HLF: variants seen among roughly 807,000 people sequenced by gnomAD.
The protein encoded by HLF is HLF transcription factor, PAR bZIP family member.
HLF carries 3 observed loss-of-function variants against 22.6 expected under a neutral mutation model. That is an observed-to-expected ratio of 0.13 (90% confidence interval 0.06 to 0.34). The LOEUF (loss-of-function observed/expected upper bound fraction) is 0.34. Ranked by LOEUF, HLF falls within the 10% of genes least tolerant of loss-of-function variation. HLF has a pLI of 1.00. For missense variants in HLF, 299 were observed against 389.2 expected, an observed-to-expected ratio of 0.77 and a Z score of 1.95; for synonymous variants, 151 against 151.8, an observed-to-expected ratio of 0.99 and a Z score of 0.04.
At chr17:55,276,354 T>C (rs2145306948) in intron 2 of HLF, among the ~76,000 whole-genome samples, 1 of 152,294 alleles carries the variant, frequency 6.6e-6, no homozygotes, top group South Asian at 2.1e-4. Flanking sequence ...CAGTGTCAAA[T>C]GACGGGTATA....
At chr17:55,282,171 A>G (rs2080960706) in intron 2 of HLF, among the ~76,000 whole-genome samples, 1 of 152,236 alleles carries the variant, frequency 6.6e-6, no homozygotes, top group African/African-American at 2.4e-5. Context: ...ATTGTCACCC[A>G]GTGAGTTTTA....
chr17:55,313,652 G>A (rs926567748), intron 2 of HLF, among the ~76,000 whole-genome samples: 61 of 152,038 alleles, frequency 4.0e-4, no homozygotes, highest in African/African-American at 1.4e-3. Context: ...TGAATCACAG[G>A]TGGTTCATTT....
intron 2 of HLF, among the ~76,000 whole-genome samples, 179 bp downstream of exon 2, chr17:55,268,265 C>T (rs1182160236): frequency 6.6e-6 from 1 of 152,176 alleles, no homozygotes; most frequent in East Asian, 1.9e-4. Flanking sequence ...CCATATCACT[C>T]ATCTGGAGAG....
At chr17:55,287,915 A>G (rs2081020014) in intron 2 of HLF, among the ~76,000 whole-genome samples, 1 of 152,234 alleles carries the variant, frequency 6.6e-6, no homozygotes. Context: ...GAAGTAACAA[A>G]GATACTAATT....
chr17:55,282,237 A>G (rs1344284994), intron 2 of HLF, among the ~76,000 whole-genome samples: 1 of 152,214 alleles, frequency 6.6e-6, no homozygotes, highest in African/African-American at 2.4e-5. Flanking sequence ...ACTTGTAGTT[A>G]ATATCTTTGG....
intron 2 of HLF, among the ~76,000 whole-genome samples, chr17:55,304,620 T>C (rs917957637): frequency 6.6e-6 from 1 of 152,210 alleles, no homozygotes; most frequent in Non-Finnish European, 1.5e-5. Flanking sequence ...TGAGTACTGA[T>C]GCATGATCCC....
intron 2 of HLF, among the ~76,000 whole-genome samples, chr17:55,294,763 G>C (rs2081096779): frequency 6.6e-6 from 1 of 152,040 alleles, no homozygotes; most frequent in Admixed American, 6.6e-5. Flanking sequence ...TGCACTTCCT[G>C]GATCTGAAAA....
chr17:55,309,451 A>G (rs961596482), intron 2 of HLF, among the ~76,000 whole-genome samples: 1 of 152,140 alleles, frequency 6.6e-6, no homozygotes, highest in African/African-American at 2.4e-5. Flanking sequence ...ATCCCTGATG[A>G]TGGTATCATC....
At chr17:55,291,389 A>G (rs1488030171) in intron 2 of HLF, among the ~76,000 whole-genome samples, 2 of 152,178 alleles carry the variant, frequency 1.3e-5, no homozygotes, top group East Asian at 3.8e-4. Flanking sequence ...CAAAAATCCT[A>G]GGGTCTTTGA....
At chr17:55,274,941 G>T (rs763917391) in intron 2 of HLF, among the ~76,000 whole-genome samples, 6 of 152,222 alleles carry the variant, frequency 3.9e-5, no homozygotes, top group Non-Finnish European at 7.3e-5. Flanking sequence ...CACTGGTCAA[G>T]AAATTTGGAT....
At chr17:55,265,685 C>A in intron 1 of HLF, 86 bp downstream of exon 1, 1 of 1,126,472 alleles carries the variant, frequency 8.9e-7, no homozygotes, top group Non-Finnish European at 1.2e-6. Flanking sequence ...TGGAGCATCC[C>A]CCAACCCCGC....
At chr17:55,283,769 C>G (rs2080976242) in intron 2 of HLF, 1 of 152,214 alleles carries the variant, frequency 6.6e-6, no homozygotes, top group South Asian at 2.1e-4. Flanking sequence ...CCACAAACCA[C>G]AGGCCCTGGT....
rs547407783 is a variant in HLF at position 55,323,968 on chromosome 17, A to C, written c.*3089A>C. The C allele has an allele frequency of 2.2e-5, 5 of 229,134 alleles. No homozygotes were observed. The South Asian group carries it at 9.1e-4, about 42-fold the overall frequency. The allele number at this position is 229,134 out of a possible 1,614,324, so 14.2% of individuals were successfully genotyped here. On this transcript the variant is annotated 3_prime_UTR_variant, in exon 4 of 4. Coordinates refer to ENST00000226067, the MANE Select transcript of HLF (RefSeq NM_002126.5). ...TGAGGTCACATTGTTGTTTCTTTTA[A>C]CTAGACTTGGCAAAGAAAGGCAAAA...
intron 2 of HLF, among the ~76,000 whole-genome samples, chr17:55,289,482 G>A (rs893857460): frequency 6.6e-6 from 1 of 152,170 alleles, no homozygotes; most frequent in Non-Finnish European, 1.5e-5. Context: ...ATTCAGTTTA[G>A]TGTGCCTCAG....
chr17:55,324,546 G>A lies in HLF; in HGVS notation c.*3667G>A, dbSNP rs1469954787. 4.3e-6 allele frequency: 1 copy of A among 232,392 alleles called. No individual in the cohort carries two copies. The highest frequency in any genetic ancestry group is 8.5e-6 in the Non-Finnish European group (1 of 117,606). The allele number at this position is 232,392 out of a possible 1,614,324, so 14.4% of individuals were successfully genotyped here. The stretch of plus-strand genomic sequence containing the variant: ...TGGGACCAGGCCTGCTTGCCTATGT[G>A]TGATGGCAATTGGAGATCTGGATTT... On this transcript the variant is annotated 3_prime_UTR_variant, in exon 4 of 4. Coordinates refer to ENST00000226067, the MANE Select transcript of HLF (RefSeq NM_002126.5).
Position 55,315,230 on chromosome 17 carries a change from A to G in HLF, c.455A>G (p.Gln152Arg). 1.2e-6 allele frequency: 2 copies of G among 1,613,674 alleles called. No homozygotes were observed. Among genetic ancestry groups the G allele is most frequent in the South Asian group, 2.2e-5 (2 of 91,066 alleles). ...NCMQSPIRPG[Q>R]LLPANRNTPS... Reference sequence around the variant, plus strand: ...TAAAACTCCTGTGTTGTTCCAGGTCAGCTGTTGCCAGCAAACCGCAATACA... The same window carrying G: ...TAAAACTCCTGTGTTGTTCCAGGTCGGCTGTTGCCAGCAAACCGCAATACA... Residue 152 changes from glutamine (Q) to arginine (R), a missense_variant, in exon 3 of 4, where the codon CAG (glutamine) becomes CGG (arginine). Gln to Arg is a conservative substitution (Grantham distance 43). Around this residue, in one of 3 missense-constraint regions of HLF, gnomAD observed 224 missense variants for 298.1 expected, o/e 0.75. Coordinates refer to ENST00000226067, the MANE Select transcript of HLF (RefSeq NM_002126.5).
At chr17:55,296,922 C>A (rs1393822542) in intron 2 of HLF, among the ~76,000 whole-genome samples, 1 of 151,988 alleles carries the variant, frequency 6.6e-6, no homozygotes, top group Admixed American at 6.6e-5. Flanking sequence ...TGTACTTTTA[C>A]AGAGCTCCAC....
rs767592931 is a variant in HLF, at chr17:55,267,988, C to T, written c.353C>T (p.Ser118Leu). 4 of 1,613,926 alleles carry T rather than the reference C, an allele frequency of 2.5e-6. No individual in the cohort carries two copies. The highest frequency in any genetic ancestry group is 1.7e-5 in the Admixed American group (1 of 60,010). ...PHPPGLQPAS[S>L]AAPSVMDLSS... ...CCTCCTGGGCTGCAGCCAGCTTCCT[C>T]GGCTGCCCCCTCGGTCATGGACCTC... is the stretch of plus-strand genomic sequence containing the variant. Residue 118 changes from serine to leucine, a missense_variant, in exon 2 of 4, where the codon TCG becomes TTG. Around this residue, in one of 3 missense-constraint regions of HLF, gnomAD observed 224 missense variants for 298.1 expected, o/e 0.75. Transcript: ENST00000226067.
At chr17:55,313,934 A>T (rs1346482412) in intron 2 of HLF, among the ~76,000 whole-genome samples, 1 of 152,164 alleles carries the variant, frequency 6.6e-6, no homozygotes, top group African/African-American at 2.4e-5. Context: ...ACGGTTTCAC[A>T]GTTTTGCTAG....
Sources: gnomAD v4.1 joint callset for allele counts (sites outside exome capture counted in the v4.1 genomes callset) on GRCh38, gnomAD v4.1.1 for gene constraint, gnomAD v4.1.1 regional missense constraint, MANE v1.5 for transcripts, NCBI Gene and HGNC (gene_info 2026-07-23, HGNC 2026-07-21) for gene names.